LRRTM4: variants seen among roughly 807,000 people sequenced by gnomAD.
LRRTM4 encodes the protein leucine rich repeat transmembrane neuronal 4.
LRRTM4 carries 25 observed loss-of-function variants against 47.6 expected under a neutral mutation model. That is an observed-to-expected ratio of 0.53 (90% CI 0.38 to 0.73). LRRTM4 has a LOEUF of 0.73. Ranked by LOEUF, LRRTM4 falls within the 30% of genes least tolerant of loss-of-function variation. The pLI, the probability that LRRTM4 is intolerant of heterozygous loss-of-function variation, is 0.00. For missense variants in LRRTM4, 638 were observed against 713.4 expected, an observed-to-expected ratio of 0.89 and a Z score of 1.20; for synonymous variants, 311 against 269.5, an observed-to-expected ratio of 1.15 and a Z score of -1.51.
chr2:76,934,181 C>T (rs1282044883), intron 3 of LRRTM4, among the ~76,000 whole-genome samples: 1 of 152,112 alleles, frequency 6.6e-6, no homozygotes, highest in Non-Finnish European at 1.5e-5. Flanking sequence ...CACATAATTT[C>T]TTCAGCAATA....
intron 3 of LRRTM4, among the ~76,000 whole-genome samples, chr2:77,059,644 A>G (rs1171754394): frequency 6.6e-6 from 1 of 152,176 alleles, no homozygotes; most frequent in Non-Finnish European, 1.5e-5. Context: ...CTATTCTGTT[A>G]TGGGCATGTT....
At chr2:77,503,664 A>C (rs560912984) in intron 3 of LRRTM4, among the ~76,000 whole-genome samples, 1 of 151,686 alleles carries the variant, frequency 6.6e-6, no homozygotes, top group East Asian at 1.9e-4. Context: ...TGATGGAATA[A>C]GAGAATACCA....
chr2:76,783,314 G>T (rs1413569723), intron 3 of LRRTM4, among the ~76,000 whole-genome samples: 2 of 151,990 alleles, frequency 1.3e-5, no homozygotes, highest in African/African-American at 2.4e-5. Context: ...TAAATTAAAG[G>T]CAAATAATGG....
chr2:77,005,654 G>C (rs568187362), intron 3 of LRRTM4, among the ~76,000 whole-genome samples: 93 of 152,250 alleles, frequency 6.1e-4, no homozygotes, highest in African/African-American at 2.0e-3. Context: ...AAGAGCTGAT[G>C]GTTTTATAAA....
At chr2:77,174,025 G>C (rs1673125802) in intron 3 of LRRTM4, among the ~76,000 whole-genome samples, 1 of 151,994 alleles carries the variant, frequency 6.6e-6, no homozygotes, top group Non-Finnish European at 1.5e-5. Flanking sequence ...GTATCTTTTG[G>C]AAGCTTAAAA....
At chr2:77,263,796 T>C (rs1675979949) in intron 3 of LRRTM4, among the ~76,000 whole-genome samples, 1 of 152,124 alleles carries the variant, frequency 6.6e-6, no homozygotes, top group Non-Finnish European at 1.5e-5. Flanking sequence ...CTTCCCCTAC[T>C]ATATCCTATA....
At chr2:76,776,293 A>C (rs1318255932) in intron 3 of LRRTM4, among the ~76,000 whole-genome samples, 1 of 152,186 alleles carries the variant, frequency 6.6e-6, no homozygotes, top group Non-Finnish European at 1.5e-5. Context: ...TGGCTGGGTC[A>C]AATGGTATTT....
intron 3 of LRRTM4, among the ~76,000 whole-genome samples, chr2:76,976,669 A>T (rs1311657354): frequency 6.6e-6 from 1 of 151,762 alleles, no homozygotes; most frequent in Non-Finnish European, 1.5e-5. Context: ...TGGCATTCAA[A>T]GTAGAATTGT....
At chr2:77,287,714 C>T (rs532262619) in intron 3 of LRRTM4, among the ~76,000 whole-genome samples, 4 of 152,022 alleles carry the variant, frequency 2.6e-5, no homozygotes, top group African/African-American at 9.7e-5. Context: ...AGAGAGAAAC[C>T]ACATTTACAT....
chr2:76,876,176 G>T (rs558297659), intron 3 of LRRTM4, among the ~76,000 whole-genome samples: 1 of 152,122 alleles, frequency 6.6e-6, no homozygotes, highest in African/African-American at 2.4e-5. Flanking sequence ...TTTTTTAAGA[G>T]CAACAAATAA....
intron 3 of LRRTM4, among the ~76,000 whole-genome samples, chr2:77,003,448 GT>G (rs1463228568): frequency 6.6e-6 from 1 of 152,046 alleles, no homozygotes; most frequent in African/African-American, 2.4e-5. Flanking sequence ...ATGCAGATGG[GT>G]TTTTTCTCAT....
At chr2:77,434,205 A>T (rs1357104277) in intron 3 of LRRTM4, among the ~76,000 whole-genome samples, 1 of 152,122 alleles carries the variant, frequency 6.6e-6, no homozygotes, top group African/African-American at 2.4e-5. Context: ...AACAGACACA[A>T]TCATGTGTGT....
chr2:77,407,669 AAT>A (rs1558728835), intron 3 of LRRTM4, among the ~76,000 whole-genome samples: 4 of 129,054 alleles, frequency 3.1e-5, no homozygotes, highest in African/African-American at 1.4e-4. Context: ...TATATATAAT[AAT>A]TATATAATAT....
chr2:77,234,305 A>G (rs1675046027), intron 3 of LRRTM4, among the ~76,000 whole-genome samples: 1 of 152,168 alleles, frequency 6.6e-6, no homozygotes, highest in South Asian at 2.1e-4. Context: ...ACCCAACCAT[A>G]AAAATAGAAG....
intron 3 of LRRTM4, among the ~76,000 whole-genome samples, chr2:77,383,504 A>G (rs1673142082): frequency 6.6e-6 from 1 of 152,058 alleles, no homozygotes; most frequent in South Asian, 2.1e-4. Context: ...TTTTTCCACT[A>G]CGACCCAAAA....
chr2:77,156,395 T>C (rs779779524), intron 3 of LRRTM4, among the ~76,000 whole-genome samples: 14 of 151,342 alleles, frequency 9.3e-5, no homozygotes, highest in Non-Finnish European at 1.8e-4. Context: ...TATGAAGTAT[T>C]TGAAATTAAG....
intron 3 of LRRTM4, among the ~76,000 whole-genome samples, chr2:77,121,212 T>C (rs1275341184): frequency 1.3e-5 from 2 of 151,754 alleles, no homozygotes; most frequent in East Asian, 3.9e-4. Context: ...TATCCTAAAT[T>C]TTGTTTTACA....
At chr2:76,830,339 A>C (rs1344183370) in intron 3 of LRRTM4, among the ~76,000 whole-genome samples, 1 of 152,020 alleles carries the variant, frequency 6.6e-6, no homozygotes, top group Non-Finnish European at 1.5e-5. Context: ...TTAAATATCT[A>C]CACTTTTTTA....
At chr2:77,394,345 C>A (rs368137557) in intron 3 of LRRTM4, among the ~76,000 whole-genome samples, 1 of 151,878 alleles carries the variant, frequency 6.6e-6, no homozygotes, top group Admixed American at 6.6e-5. Flanking sequence ...TCCTTCCTTC[C>A]CTTACTGTCA....
Sources: gnomAD v4.1 joint callset for allele counts (sites outside exome capture counted in the v4.1 genomes callset) on GRCh38, gnomAD v4.1.1 for gene constraint, MANE v1.5 for transcripts, NCBI Gene and HGNC (gene_info 2026-07-23, HGNC 2026-07-21) for gene names.